HDAC2: variants seen among roughly 807,000 people sequenced by gnomAD.
HDAC2 encodes histone deacetylase 2, also known as YY1-associated factor 1.
HDAC2 carries 5 observed loss-of-function variants against 68.5 expected under a neutral mutation model. That is an observed-to-expected ratio of 0.07 (90% confidence interval 0.04 to 0.15). The LOEUF (loss-of-function observed/expected upper bound fraction) is 0.15. HDAC2 is among the 10% of genes least tolerant of loss of function. HDAC2 has a pLI of 1.00. For missense variants in HDAC2, 291 were observed against 600.8 expected, an observed-to-expected ratio of 0.48 and a Z score of 5.39; for synonymous variants, 182 against 191.3, an observed-to-expected ratio of 0.95 and a Z score of 0.40.
At chr6:113,944,669 A>C (rs188145786) in intron 10 of HDAC2, among the ~76,000 whole-genome samples, 3 of 152,068 alleles carry the variant, frequency 2.0e-5, no homozygotes, top group Admixed American at 2.0e-4. Context: ...CTAATTTTTA[A>C]ATTTTTTGCA....
chr6:113,945,804 ACTGAAG>A (rs753225477), intron 9 of HDAC2, among the ~76,000 whole-genome samples, 198 bp downstream of exon 9: 1 of 152,156 alleles, frequency 6.6e-6, no homozygotes, highest in Admixed American at 6.5e-5. Flanking sequence ...ATTTTGTCCA[ACTGAAG>A]CCTAACCTAA....
intron 1 of HDAC2, chr6:113,970,441 G>A: frequency 9.6e-7 from 1 of 1,040,588 alleles, no homozygotes; most frequent in Middle Eastern, 4.6e-4. Context: ...GCGGGGGACG[G>A]GTCGAGGGGG....
intron 6 of HDAC2, among the ~76,000 whole-genome samples, chr6:113,949,660 C>T (rs536519198): frequency 2.7e-4 from 41 of 152,268 alleles, no homozygotes; most frequent in African/African-American, 7.7e-4. Context: ...AAAGCCCTGC[C>T]GGACAATCAT....
intron 6 of HDAC2, among the ~76,000 whole-genome samples, chr6:113,952,008 A>G (rs1017213102): frequency 1.3e-5 from 2 of 152,236 alleles, no homozygotes; most frequent in Admixed American, 1.3e-4. Context: ...CTTAAAACAG[A>G]GAAGACTTTT....
rs923218314 is a variant in HDAC2 at position 113,937,669 on chromosome 6, G to C, written c.*3389C>G. 3.9e-5 allele frequency: 6 copies of C among 152,294 alleles called. No individual in the cohort carries two copies. Among genetic ancestry groups the C allele is most frequent in the Non-Finnish European group, 5.9e-5 (4 of 68,172 alleles). 9.4% of individuals were successfully genotyped at this position (152,294 alleles called of 1,614,324 possible). On this transcript the variant is annotated 3_prime_UTR_variant, in exon 14 of 14. Transcript: ENST00000519065. ...TTGTGACCAGCCTGGGCAACACAGG[G>C]AGACACCATCTCTCCAAAATAAAAA...
chr6:113,960,382 G>T (rs1776654818), intron 1 of HDAC2, among the ~76,000 whole-genome samples: 3 of 151,990 alleles, frequency 2.0e-5, no homozygotes, highest in Admixed American at 1.3e-4. Context: ...TTATTGGTAT[G>T]ATTTAAAATT....
rs1315296164 is a variant in HDAC2 at position 113,940,105 on chromosome 6, G to A, written c.*953C>T. On this transcript the variant is annotated 3_prime_UTR_variant, in exon 14 of 14. Transcript: ENST00000519065. The stretch of plus-strand genomic sequence containing the variant: ...CCTGCTACTAGAATGTAAGCTCTGA[G>A]TGTAAGCTCTGAGTGAAAGCATTTT... 1.3e-5 allele frequency: 2 copies of A among 152,188 alleles called. No homozygotes were observed. The highest frequency in any genetic ancestry group is 3.8e-4 in the East Asian group (2 of 5,198). The allele number at this position is 152,188 out of a possible 1,614,324, so 9.4% of individuals were successfully genotyped here.
At chr6:113,947,631 A>G (rs975147931) in intron 8 of HDAC2, 9 of 152,196 alleles carry the variant, frequency 5.9e-5, no homozygotes, top group Non-Finnish European at 1.2e-4. Flanking sequence ...TACATTAGGT[A>G]GATCATTTTA....
intron 5 of HDAC2, among the ~76,000 whole-genome samples, chr6:113,954,981 A>G (rs533504304): frequency 9.8e-4 from 150 of 152,346 alleles, no homozygotes; most frequent in Non-Finnish European, 1.9e-3. Flanking sequence ...GTAGAGAACA[A>G]AGCCTCATTC....
chr6:113,966,943 CAAAG>C (rs1027879866), intron 1 of HDAC2, among the ~76,000 whole-genome samples: 4 of 152,078 alleles, frequency 2.6e-5, no homozygotes, highest in Admixed American at 2.6e-4. Flanking sequence ...TATTTGCCTC[CAAAG>C]AAATTATTAC....
chr6:113,968,212 C>T (rs1776871967), intron 1 of HDAC2: 1 of 152,154 alleles, frequency 6.6e-6, no homozygotes, highest in African/African-American at 2.4e-5. Flanking sequence ...TTTTCACTCA[C>T]TTTCTTCCTT....
intron 1 of HDAC2, among the ~76,000 whole-genome samples, chr6:113,969,004 T>G (rs146137792): frequency 1.0e-3 from 153 of 152,290 alleles, no homozygotes; most frequent in African/African-American, 3.6e-3. Flanking sequence ...AATTTTCCTC[T>G]TTACTCCAAG....
Position 113,953,366 on chromosome 6 carries a change from C to T in HDAC2, c.550G>A (p.Val184Ile). The T allele has an allele frequency of 6.4e-7, 1 of 1,563,358 alleles. No homozygotes were observed. The highest frequency in any genetic ancestry group is 8.8e-7 in the Non-Finnish European group (1 of 1,134,250). The stretch of plus-strand genomic sequence containing the variant: ...TCTGTTGTATAAAAAGCTTCTTCAA[C>T]ACCATCACCATGATGAATATCTATA... ...IDIDIHHGDG[V>I]EEAFYTTDRV... The change falls in exon 6 of 14, where the codon GTT becomes ATT. Residue 184 changes from valine (V) to isoleucine (I), a missense_variant. Physicochemically the swap from Val to Ile is conservative, Grantham distance 29 (BLOSUM62 3). Coordinates refer to ENST00000519065, the MANE Select transcript of HDAC2 (RefSeq NM_001527.4).
intron 13 of HDAC2, 69 bp downstream of exon 13, chr6:113,941,637 AAC>A: frequency 1.7e-6 from 1 of 590,596 alleles, no homozygotes; most frequent in Admixed American, 3.2e-5. Flanking sequence ...TGTGTACACA[AAC>A]ACACACCAAT....
intron 1 of HDAC2, among the ~76,000 whole-genome samples, chr6:113,963,185 G>A (rs1484027345): frequency 4.6e-5 from 7 of 151,552 alleles, no homozygotes; most frequent in Admixed American, 4.6e-4. Flanking sequence ...TGGGGTTCAA[G>A]CAATTCTCCT....
chr6:113,946,022 C>T lies in HDAC2; in HGVS notation c.968G>A (p.Cys323Tyr). The part of the protein sequence containing the change: ...WTYETAVALD[C>Y]EIPNELPYND... ...AGAACACTTACCATTGGGAATCTCA[C>T]AATCAAGGGCAACTGCAGTCTCATA... The change falls in exon 9 of 14, where the codon TGT becomes TAT. Residue 323 changes from cysteine (C) to tyrosine (Y), a missense_variant. Physicochemically the swap from Cys to Tyr is radical, Grantham distance 194 (BLOSUM62 -2). Coordinates refer to ENST00000519065, the MANE Select transcript of HDAC2 (RefSeq NM_001527.4). The T allele has an allele frequency of 1.2e-6, 2 of 1,612,652 alleles. No individual in the cohort carries two copies. Among genetic ancestry groups the T allele is most frequent in the Non-Finnish European group, 1.7e-6 (2 of 1,178,790 alleles).
intron 3 of HDAC2, among the ~76,000 whole-genome samples, chr6:113,957,820 G>T: frequency 6.6e-6 from 1 of 151,852 alleles, no homozygotes; most frequent in East Asian, 1.9e-4. Flanking sequence ...TCATTATTAT[G>T]TGGGTTTTAA....
At chr6:113,948,661 A>C (rs1776322364) in intron 8 of HDAC2, 1 of 231,438 alleles carries the variant, frequency 4.3e-6, no homozygotes, top group Non-Finnish European at 8.4e-6. Flanking sequence ...TTCCTTAATG[A>C]GAAATAAATA....
rs567984302 is a variant in HDAC2, at chr6:113,966,512, C to T, written c.52+4345G>A. On this transcript the variant is annotated intron_variant, in intron 1 of 13. Transcript: ENST00000519065. ...TGGAGGTTGCAGTGAGCTGGGATCACGCCACTGCACTCCAGCCTGGGCAAT... is the reference window on the plus strand; with the variant it reads ...TGGAGGTTGCAGTGAGCTGGGATCATGCCACTGCACTCCAGCCTGGGCAAT... Among the ~76,000 whole-genome samples, 169 of 149,292 alleles carry T rather than the reference C, an allele frequency of 1.1e-3. 1 individual carries two copies. Among genetic ancestry groups the T allele is most frequent in the African/African-American group, 3.7e-3 (151 of 40,412 alleles).
Sources: gnomAD v4.1 joint callset for allele counts (sites outside exome capture counted in the v4.1 genomes callset) on GRCh38, gnomAD v4.1.1 for gene constraint, MANE v1.5 for transcripts, NCBI Gene and HGNC (gene_info 2026-07-23, HGNC 2026-07-21) for gene names.